Variants in DOK6 observed in about 807,000 individuals in gnomAD.
DOK6 encodes the protein docking protein 6.
A neutral mutation model predicts 44.0 loss-of-function variants in DOK6; 22 were observed. The observed-to-expected ratio is 0.50, with a 90% CI of 0.36 to 0.71. The LOEUF is 0.71. Ranked by LOEUF, DOK6 falls within the 30% of genes least tolerant of loss-of-function variation. The pLI is 0.00. For missense variants in DOK6, 340 were observed against 416.4 expected (o/e 0.82, Z 1.60); for synonymous variants, 166 against 145.5 (o/e 1.14, Z -1.01).
Position 69,841,247 on chromosome 18 carries a change from A to G in DOK6, c.860A>G (p.His287Arg), listed in dbSNP as rs1982208397. The G allele has an allele frequency of 6.2e-7, 1 of 1,614,170 alleles. No individual in the cohort carries two copies. Among genetic ancestry groups the G allele is most frequent in the African/African-American group, 1.3e-5 (1 of 75,048 alleles). The change falls in exon 8 of 8, where the codon CAT becomes CGT. Residue 287 changes from histidine to arginine, a missense_variant. Transcript: ENST00000382713. ...SVGEIYSLQG[H>R]GFGSSKMSRA... ...GCTCTCCTTTCTTCCTCTCTAGGTC[A>G]TGGGTTTGGTTCGTCAAAGATGTCT... is the stretch of plus-strand genomic sequence containing the variant.
chr18:69,796,510 A>G (rs1287321096), intron 7 of DOK6, among the ~76,000 whole-genome samples: 1 of 152,176 alleles, frequency 6.6e-6, no homozygotes. Flanking sequence ...TTTGTCAGTA[A>G]GAGTTCTGAT....
intron 1 of DOK6, among the ~76,000 whole-genome samples, chr18:69,472,132 T>G (rs1006631585): frequency 9.2e-5 from 14 of 152,308 alleles, no homozygotes; most frequent in African/African-American, 3.1e-4. Flanking sequence ...AGACATAACC[T>G]TACCTAGGAA....
chr18:69,428,057 C>T (rs963044750), intron 1 of DOK6, among the ~76,000 whole-genome samples: 15 of 152,224 alleles, frequency 9.9e-5, no homozygotes, highest in Admixed American at 6.5e-4. Context: ...GGATTACAGG[C>T]GTGAGCCATC....
chr18:69,652,556 G>A (rs1376111779), intron 3 of DOK6, among the ~76,000 whole-genome samples: 2 of 152,150 alleles, frequency 1.3e-5, no homozygotes, highest in Non-Finnish European at 2.9e-5. Context: ...GCAGCATCAG[G>A]AGAACTCTAG....
intron 1 of DOK6, among the ~76,000 whole-genome samples, chr18:69,416,164 A>G (rs200913903): frequency 9.7e-5 from 2 of 20,554 alleles, no homozygotes; most frequent in Admixed American, 7.2e-4. Flanking sequence ...GAGGGAAGGA[A>G]GGAAGGAAGG....
chr18:69,470,693 C>T (rs745977242), intron 1 of DOK6, among the ~76,000 whole-genome samples: 4 of 149,746 alleles, frequency 2.7e-5, no homozygotes, highest in Non-Finnish European at 5.9e-5. Context: ...AATGGTGGGG[C>T]GGGAGGGAAT....
intron 3 of DOK6, among the ~76,000 whole-genome samples, chr18:69,641,899 C>T (rs1984951517): frequency 6.6e-6 from 1 of 152,194 alleles, no homozygotes. Context: ...CTTTCCCCCT[C>T]TCTCTCCAGC....
chr18:69,679,366 T>C (rs577837578), intron 4 of DOK6, among the ~76,000 whole-genome samples: 3 of 152,268 alleles, frequency 2.0e-5, no homozygotes, highest in Admixed American at 2.0e-4. Context: ...ATGAAAAAAG[T>C]TTTTTTCTGC....
At chr18:69,557,519 G>T (rs1224813128) in intron 1 of DOK6, among the ~76,000 whole-genome samples, 1 of 152,160 alleles carries the variant, frequency 6.6e-6, no homozygotes, top group Non-Finnish European at 1.5e-5. Flanking sequence ...CGGTAAAATG[G>T]TTTTCATCAG....
Position 69,607,041 on chromosome 18 carries a change from A to AT in DOK6, c.289+7552dup, listed in dbSNP as rs955682293. Among the ~76,000 whole-genome samples, 24 of 151,894 alleles carry AT rather than the reference A, an allele frequency of 1.6e-4. No homozygotes were observed. In the East Asian group the frequency reaches 1.7e-3, roughly 11 times the overall value. The stretch of plus-strand genomic sequence containing the variant: ...AAAGATTCCTGGGTCAGATACAATA[A>AT]TTTTTTTTTCCCAAGTCCCAAAGAG... On this transcript the variant is annotated intron_variant, in intron 3 of 7. Transcript: ENST00000382713.
intron 1 of DOK6, among the ~76,000 whole-genome samples, chr18:69,563,399 C>G (rs1225766789): frequency 2.0e-5 from 3 of 152,096 alleles, no homozygotes; most frequent in Non-Finnish European, 4.4e-5. Flanking sequence ...TTGGAACCAA[C>G]CCAAATGTCC....
intron 4 of DOK6, among the ~76,000 whole-genome samples, chr18:69,685,208 C>T (rs973473771): frequency 1.1e-4 from 16 of 152,046 alleles, no homozygotes; most frequent in African/African-American, 2.9e-4. Context: ...TTTTGGTATA[C>T]GTAAGTTTCG....
chr18:69,839,506 C>T (rs534524989), intron 7 of DOK6, among the ~76,000 whole-genome samples: 1 of 152,328 alleles, frequency 6.6e-6, no homozygotes, highest in South Asian at 2.1e-4. Flanking sequence ...TAACTCCTCC[C>T]CTCCTCTGCC....
At chr18:69,559,317 C>T (rs1015858381) in intron 1 of DOK6, among the ~76,000 whole-genome samples, 1 of 152,046 alleles carries the variant, frequency 6.6e-6, no homozygotes, top group African/African-American at 2.4e-5. Context: ...TTTCATTTAA[C>T]ATCATGATTG....
In DOK6 at chr18:69,690,671, T is replaced by C. The variant is rs145972989; in HGVS notation, c.410-7733T>C. ...TAAGAAAAAAACAAAGCAGACTGTT[T>C]AAACAATGGGATGAATCTAGATTCC... On this transcript the variant is annotated intron_variant, in intron 4 of 7. Coordinates refer to ENST00000382713, the MANE Select transcript of DOK6 (RefSeq NM_152721.6). 8.7e-3 allele frequency among the ~76,000 whole-genome samples: 1,322 copies of C among 152,296 alleles called. 8 individuals are homozygous for C. Among genetic ancestry groups the C allele is most frequent in the Middle Eastern group, 0.02 (6 of 294 alleles).
At chr18:69,827,467 C>T (rs1981774213) in intron 7 of DOK6, among the ~76,000 whole-genome samples, 2 of 152,004 alleles carry the variant, frequency 1.3e-5, no homozygotes, top group South Asian at 4.1e-4. Flanking sequence ...AATCAGTTAT[C>T]AGAAAGAAAA....
chr18:69,661,895 C>A (rs138840381), intron 3 of DOK6: 1 of 152,186 alleles, frequency 6.6e-6, no homozygotes, highest in African/African-American at 2.4e-5. Flanking sequence ...GAGCCCTGAA[C>A]TGTACCCAGG....
intron 1 of DOK6, among the ~76,000 whole-genome samples, chr18:69,471,118 A>G (rs1039930821): frequency 2.0e-5 from 3 of 150,500 alleles, no homozygotes; most frequent in Admixed American, 6.7e-5. Flanking sequence ...GCGTGGTGGC[A>G]TATGCCTGTA....
chr18:69,586,018 T>C (rs1568304105), intron 2 of DOK6, among the ~76,000 whole-genome samples: 1 of 152,184 alleles, frequency 6.6e-6, no homozygotes, highest in Non-Finnish European at 1.5e-5. Flanking sequence ...CTCTATATTT[T>C]CTGTCTTATA....
Sources: allele counts gnomAD v4.1 joint callset (sites outside exome capture counted in the v4.1 genomes callset), GRCh38; gene constraint gnomAD v4.1.1; transcripts MANE v1.5; gene names NCBI Gene and HGNC (gene_info 2026-07-23, HGNC 2026-07-21).